The following CCR6 variants were observed in gnomAD, a reference collection of about 807,000 sequenced individuals.
CCR6 encodes C-C chemokine receptor type 6.
Under a neutral mutation model 3.0 loss-of-function variants are expected in CCR6, and 2 were observed. The ratio of observed to expected loss-of-function variants is 0.66; its 90% confidence interval spans 0.27 to 2.07. CCR6 has a LOEUF of 2.07. CCR6 is among the 30% of genes most tolerant of loss of function. The probability of loss-of-function intolerance (pLI) is 0.14; values close to 1 mark genes in which losing one functional copy is unlikely to be tolerated. For missense variants in CCR6, 322 were observed against 462.8 expected (o/e 0.70, Z 2.79); for synonymous variants, 193 against 184.3 (o/e 1.05, Z -0.38).
At chr6:167,120,217 C>T (rs544499091), upstream of CCR6, among the ~76,000 whole-genome samples, 134 of 152,192 alleles carry the variant, frequency 8.8e-4, no homozygotes, top group African/African-American at 3.0e-3. Flanking sequence ...CCATGTCATC[C>T]GAAGGCTCGA....
intron 1 of CCR6, among the ~76,000 whole-genome samples, chr6:167,130,743 C>T (rs2114928158): frequency 6.6e-6 from 1 of 151,938 alleles, no homozygotes; most frequent in South Asian, 2.1e-4. Flanking sequence ...AAACACCATC[C>T]TAAGAGACAT....
intron 1 of CCR6, among the ~76,000 whole-genome samples, chr6:167,125,461 C>T (rs934648384): frequency 6.6e-6 from 1 of 152,224 alleles, no homozygotes; most frequent in African/African-American, 2.4e-5. Flanking sequence ...TCTTTGCTAC[C>T]ACCACAGAGC....
chr6:167,115,756 T>C (rs1781482840), intron 1 of CCR6: 1 of 152,248 alleles, frequency 6.6e-6, no homozygotes, highest in African/African-American at 2.4e-5. Context: ...CCAACTTATT[T>C]TGTTATTAAA....
At chr6:167,117,066 A>C (rs1483946308) in intron 1 of CCR6, 1 of 151,948 alleles carries the variant, frequency 6.6e-6, no homozygotes, top group African/African-American at 2.4e-5. Flanking sequence ...ATTCCTCTCC[A>C]CTTCTGCGCT....
intron 1 of CCR6, chr6:167,112,090 G>A (rs1781423889): frequency 1.3e-5 from 2 of 152,050 alleles, no homozygotes; most frequent in Admixed American, 6.5e-5. Context: ...ATGCTTTGGA[G>A]GTAATAGAGT....
chr6:167,116,181 G>C (rs573399941), intron 1 of CCR6: 1 of 152,392 alleles, frequency 6.6e-6, no homozygotes, highest in South Asian at 2.1e-4. Context: ...GAGATCACGA[G>C]AGAGAATGCG....
intron 1 of CCR6, 88 bp downstream of exon 1, chr6:167,123,311 C>A (rs1282406193): frequency 1.3e-5 from 2 of 152,728 alleles, no homozygotes; most frequent in Non-Finnish European, 2.9e-5. Flanking sequence ...CTGTTTTACT[C>A]ATTAATCTTC....
intron 1 of CCR6, among the ~76,000 whole-genome samples, chr6:167,130,989 A>C (rs5014886): frequency 0.021 from 2,489 of 121,278 alleles, 127 homozygotes; most frequent in African/African-American, 0.085. Flanking sequence ...CTCCCTCTGG[A>C]CCCCCTCCCT....
At position 167,136,553 on chromosome 6, in the gene CCR6, C is replaced by T; in HGVS notation, c.323C>T (p.Thr108Ile). Reference protein sequence around the residue: ...TLPFWAVSHATGAWVFSNATC... With the variant: ...TLPFWAVSHAIGAWVFSNATC... Reference sequence around the variant, plus strand: ...CCATTCTGGGCAGTGAGTCATGCCACCGGTGCGTGGGTTTTCAGCAATGCC... The same window carrying T: ...CCATTCTGGGCAGTGAGTCATGCCATCGGTGCGTGGGTTTTCAGCAATGCC... Residue 108 changes from threonine (T) to isoleucine (I), a missense_variant, in exon 3 of 3, where the codon ACC becomes ATC. Coordinates refer to ENST00000341935, the MANE Select transcript of CCR6 (RefSeq NM_031409.4). This position sits in a 1 kb window ranked among gnomAD's most constrained non-coding sequence, Gnocchi z 4.6. 2 of 1,600,176 alleles carry T rather than the reference C, an allele frequency of 1.2e-6. No homozygotes were observed. Among genetic ancestry groups the T allele is most frequent in the Non-Finnish European group, 1.7e-6 (2 of 1,171,978 alleles).
At chr6:167,120,820 GGAA>G (rs1429038511), upstream of CCR6, 3 of 152,210 alleles carry the variant, frequency 2.0e-5, no homozygotes, top group African/African-American at 7.2e-5. Flanking sequence ...TTAAATTTGA[GGAA>G]GTTTCAATAA....
At chr6:167,116,954 T>C (rs1020710911) in intron 1 of CCR6, 1 of 152,210 alleles carries the variant, frequency 6.6e-6, no homozygotes, top group African/African-American at 2.4e-5. Context: ...CTGCAGGAGA[T>C]GACCCGTCCC....
At chr6:167,117,948 T>G (rs1041966785), upstream of CCR6, among the ~76,000 whole-genome samples, 7 of 24,266 alleles carry the variant, frequency 2.9e-4, no homozygotes, top group South Asian at 1.3e-3. Context: ...TTTTCTGTTT[T>G]TTTTTTTTTT....
At chr6:167,117,433 T>TTTTTTTTG in intron 1 of CCR6, among the ~76,000 whole-genome samples, 1 of 133,582 alleles carries the variant, frequency 7.5e-6, no homozygotes. Flanking sequence ...TTTTTTTTTT[T>TTTTTTTTG]TGAGACGGAG....
chr6:167,131,003 G>T (rs1781753784), intron 1 of CCR6, among the ~76,000 whole-genome samples: 1 of 148,304 alleles, frequency 6.7e-6, no homozygotes, highest in African/African-American at 2.5e-5. Flanking sequence ...CCTCCCTTTG[G>T]GACCCCTCCT....
At chr6:167,135,238 C>G (rs1293218027) in intron 1 of CCR6, among the ~76,000 whole-genome samples, 2 of 152,252 alleles carry the variant, frequency 1.3e-5, no homozygotes, top group African/African-American at 4.8e-5. Context: ...CCTCACCATT[C>G]TCCAAGAACC....
At chr6:167,124,280 C>CAA (rs1781634250) in intron 1 of CCR6, among the ~76,000 whole-genome samples, 3 of 131,848 alleles carry the variant, frequency 2.3e-5, no homozygotes, top group Non-Finnish European at 4.7e-5. Context: ...AAAAAAAAAA[C>CAA]CAACCCACAG....
At chr6:167,117,176 G>A (rs1002904048) in intron 1 of CCR6, 3 of 152,074 alleles carry the variant, frequency 2.0e-5, no homozygotes, top group Admixed American at 2.0e-4. Flanking sequence ...GACCACCTCA[G>A]CCTCTTTATC....
In CCR6 at chr6:167,137,363, C is replaced by T. The variant is rs371334790; in HGVS notation, c.*8C>T. 6.2e-6 allele frequency: 10 copies of T among 1,602,786 alleles called. No individual in the cohort carries two copies. Among genetic ancestry groups the T allele is most frequent in the Non-Finnish European group, 8.5e-6 (10 of 1,175,836 alleles). On this transcript the variant is annotated 3_prime_UTR_variant, in exon 3 of 3. Coordinates refer to ENST00000341935, the MANE Select transcript of CCR6 (RefSeq NM_031409.4). This position sits in a 1 kb window ranked among gnomAD's most constrained non-coding sequence, Gnocchi z 4.6. ...TCGTCCTTCACTATGTGATAGAAAG[C>T]TGAGTCTCCCTAAGGCATGTGTGAA...
Position 167,137,103 on chromosome 6 carries a change from A to G in CCR6, c.873A>G (p.Glu291=). Residue 291 remains glutamate (E), a synonymous_variant, in exon 3 of 3, where the codon GAA becomes GAG. Coordinates refer to ENST00000341935, the MANE Select transcript of CCR6 (RefSeq NM_031409.4). The surrounding 1 kb of genome is among the most constrained non-coding windows in gnomAD (Gnocchi z 4.6). The part of the protein sequence containing the change: ...LGKMNRSCQS[E]KLIGYTKTVT... ...AAATGAACCGATCCTGCCAGAGCGA[A>G]AAGCTAATTGGCTATACGAAAACTG... is the stretch of plus-strand genomic sequence containing the variant. 6.2e-7 allele frequency: 1 copy of G among 1,614,206 alleles called. No individual in the cohort carries two copies.
Sources: allele counts gnomAD v4.1 joint callset (sites outside exome capture counted in the v4.1 genomes callset), GRCh38; gene constraint gnomAD v4.1.1; non-coding constraint Gnocchi (gnomAD v3.1); transcripts MANE v1.5; gene names NCBI Gene and HGNC (gene_info 2026-07-23, HGNC 2026-07-21).